ZC2HC1A: variants seen among roughly 807,000 people sequenced by gnomAD.
ZC2HC1A encodes the protein zinc finger C2HC-type containing 1A.
A neutral mutation model predicts 40.7 loss-of-function variants in ZC2HC1A; 28 were observed. That is an observed-to-expected ratio of 0.69 (90% CI 0.51 to 0.94). The LOEUF (loss-of-function observed/expected upper bound fraction) is 0.94. Ranked by LOEUF, ZC2HC1A falls within the 40% of genes least tolerant of loss-of-function variation. The pLI is 0.00. For missense variants in ZC2HC1A, 389 were observed against 386.3 expected, an observed-to-expected ratio of 1.01 and a Z score of -0.06; for synonymous variants, 129 against 129.2, an observed-to-expected ratio of 1.00 and a Z score of 0.01.
intron 1 of ZC2HC1A, among the ~76,000 whole-genome samples, chr8:78,674,779 G>A (rs976920387): frequency 9.2e-5 from 14 of 152,214 alleles, no homozygotes; most frequent in Non-Finnish European, 7.4e-5. Context: ...AGTTCTCTGT[G>A]AACTCACTAA....
intron 1 of ZC2HC1A, among the ~76,000 whole-genome samples, chr8:78,672,183 T>TCA (rs1809451907): frequency 1.3e-5 from 2 of 152,262 alleles, no homozygotes; most frequent in South Asian, 4.1e-4. Flanking sequence ...AGGCCTAAGG[T>TCA]ATTTATCATG....
At chr8:78,716,871 C>T (rs1361054548) in intron 8 of ZC2HC1A, among the ~76,000 whole-genome samples, 1 of 152,080 alleles carries the variant, frequency 6.6e-6, no homozygotes, top group Non-Finnish European at 1.5e-5. Context: ...TTGTTTAAAA[C>T]TGTATAGTAC....
At chr8:78,712,784 T>A (rs1302015888) in intron 7 of ZC2HC1A, among the ~76,000 whole-genome samples, 3 of 152,178 alleles carry the variant, frequency 2.0e-5, no homozygotes, top group Non-Finnish European at 4.4e-5. Context: ...ACATTTTAAA[T>A]ATGAAATTAG....
chr8:78,675,876 A>G lies in ZC2HC1A; in HGVS notation c.93+13A>G, dbSNP rs1205461187. On this transcript the variant is annotated intron_variant, in intron 2 of 8. Transcript: ENST00000263849. Reference sequence around the variant, plus strand: ...TCCAGTAGCATTAGTGAGTAGACTGATTTTGTACCTTTATGGTTTTACAGA... The same window carrying G: ...TCCAGTAGCATTAGTGAGTAGACTGGTTTTGTACCTTTATGGTTTTACAGA... 2.0e-5 allele frequency: 32 copies of G among 1,601,334 alleles called. No individual in the cohort carries two copies. Among genetic ancestry groups the G allele is most frequent in the African/African-American group, 2.7e-5 (2 of 74,476 alleles).
chr8:78,666,328 C>T (rs898629729), intron 1 of ZC2HC1A, among the ~76,000 whole-genome samples, 164 bp downstream of exon 1: 6 of 152,212 alleles, frequency 3.9e-5, no homozygotes, highest in African/African-American at 1.4e-4. Context: ...CGGACAGTCC[C>T]CGATGCGGTG....
intron 7 of ZC2HC1A, chr8:78,711,849 A>C (rs1810959487): frequency 3.6e-5 from 15 of 416,280 alleles, no homozygotes; most frequent in South Asian, 2.9e-4. Context: ...TTTGGACATT[A>C]GTTCTTACCT....
At chr8:78,688,321 A>G (rs985730829) in intron 4 of ZC2HC1A, among the ~76,000 whole-genome samples, 5 of 152,134 alleles carry the variant, frequency 3.3e-5, no homozygotes, top group African/African-American at 7.2e-5. Flanking sequence ...TTTGGGCTTT[A>G]GAAGTTTTTT....
At chr8:78,693,066 A>C (rs7818021) in intron 5 of ZC2HC1A, among the ~76,000 whole-genome samples, 219 of 151,860 alleles carry the variant, frequency 1.4e-3, no homozygotes, top group African/African-American at 5.0e-3. Flanking sequence ...TGAACTCATC[A>C]TTTTTTATGG....
chr8:78,674,367 G>A (rs1311544541), intron 1 of ZC2HC1A, among the ~76,000 whole-genome samples: 1 of 152,114 alleles, frequency 6.6e-6, no homozygotes, highest in East Asian at 1.9e-4. Context: ...AGTATTTAAA[G>A]GAATACGTTA....
In ZC2HC1A at chr8:78,699,755, T is replaced by TAATG. The variant is rs550052032; in HGVS notation, c.704+1243_704+1246dup. Reference sequence around the variant, plus strand: ...TGTTCCTGTGTTAGTTTCCTAAGGATAATGGCCTCCAGCTCCATTCATGTC... The same window carrying TAATG: ...TGTTCCTGTGTTAGTTTCCTAAGGATAATGAATGGCCTCCAGCTCCATTCATGTC... On this transcript the variant is annotated intron_variant, in intron 7 of 8. Transcript: ENST00000263849. Among the ~76,000 whole-genome samples the TAATG allele has an allele frequency of 2.4e-3, 361 of 152,288 alleles. 2 individuals are homozygous for TAATG. The highest frequency in any genetic ancestry group is 8.1e-3 in the African/African-American group (338 of 41,568).
At chr8:78,679,661 T>A (rs907492821) in intron 3 of ZC2HC1A, among the ~76,000 whole-genome samples, 3 of 152,170 alleles carry the variant, frequency 2.0e-5, no homozygotes, top group African/African-American at 4.8e-5. Flanking sequence ...TTCAGTGAAG[T>A]GATTTAAGCT....
At chr8:78,669,790 A>G (rs1199185067) in intron 1 of ZC2HC1A, among the ~76,000 whole-genome samples, 1 of 152,002 alleles carries the variant, frequency 6.6e-6, no homozygotes, top group Non-Finnish European at 1.5e-5. Context: ...AACATTTTAT[A>G]TATTAGTTTT....
intron 7 of ZC2HC1A, among the ~76,000 whole-genome samples, chr8:78,702,152 G>A (rs1369539092): frequency 4.6e-5 from 7 of 152,100 alleles, no homozygotes; most frequent in South Asian, 4.1e-4. Flanking sequence ...TTCAGAACTC[G>A]TTATTTGTCT....
intron 7 of ZC2HC1A, among the ~76,000 whole-genome samples, chr8:78,709,132 CA>C (rs1392221664): frequency 6.6e-6 from 1 of 152,112 alleles, no homozygotes; most frequent in Non-Finnish European, 1.5e-5. Flanking sequence ...GTGAAACTAT[CA>C]AATATCAGAG....
intron 1 of ZC2HC1A, among the ~76,000 whole-genome samples, chr8:78,666,553 C>T (rs1809304478): frequency 6.6e-6 from 1 of 152,190 alleles, no homozygotes; most frequent in African/African-American, 2.4e-5. Flanking sequence ...ACGGCCTTAA[C>T]ACCAACAGGC....
chr8:78,683,410 G>T (rs1331041859), intron 3 of ZC2HC1A, among the ~76,000 whole-genome samples: 1 of 152,202 alleles, frequency 6.6e-6, no homozygotes, highest in Admixed American at 6.5e-5. Context: ...GCACCTGTGG[G>T]CTCAACACCA....
At chr8:78,716,165 C>T (rs1811095060) in intron 8 of ZC2HC1A, among the ~76,000 whole-genome samples, 1 of 150,012 alleles carries the variant, frequency 6.7e-6, no homozygotes, top group South Asian at 2.1e-4. Context: ...CTCTGTCGCT[C>T]AGGCTGGAGT....
intron 8 of ZC2HC1A, among the ~76,000 whole-genome samples, chr8:78,716,545 C>T (rs773721918): frequency 1.3e-5 from 2 of 152,128 alleles, no homozygotes; most frequent in Non-Finnish European, 2.9e-5. Context: ...ATACTAGAAG[C>T]ATCACCTCAC....
Sources: gnomAD v4.1 joint callset for allele counts (sites outside exome capture counted in the v4.1 genomes callset) on GRCh38, gnomAD v4.1.1 for gene constraint, MANE v1.5 for transcripts, NCBI Gene and HGNC (gene_info 2026-07-23, HGNC 2026-07-21) for gene names.